ZNF169: variants seen among roughly 807,000 people sequenced by gnomAD.
ZNF169 encodes the protein zinc finger protein 169.
A neutral mutation model predicts 12.0 loss-of-function variants in ZNF169; 11 were observed. That is an observed-to-expected ratio of 0.92 (90% CI 0.58 to 1.52). ZNF169 has a LOEUF of 1.52. Ranked by LOEUF, ZNF169 falls within the 40% of genes most tolerant of loss-of-function variation. The probability of loss-of-function intolerance (pLI) is 0.00; values close to 1 mark genes in which losing one functional copy is unlikely to be tolerated. For missense variants in ZNF169, 722 were observed against 744.0 expected (o/e 0.97, Z 0.34); for synonymous variants, 302 against 286.5 (o/e 1.05, Z -0.55).
At chr9:94,270,524 T>G (rs1483603268) in intron 1 of ZNF169, among the ~76,000 whole-genome samples, 6 of 146,504 alleles carry the variant, frequency 4.1e-5, no homozygotes, top group African/African-American at 1.5e-4. Context: ...TGAGGAAGTT[T>G]CCTTCTATTG....
At chr9:94,277,296 G>A (rs961425575) in intron 1 of ZNF169, among the ~76,000 whole-genome samples, 1 of 152,170 alleles carries the variant, frequency 6.6e-6, no homozygotes, top group Non-Finnish European at 1.5e-5. Context: ...AGACTTCAGA[G>A]AGAGCAGGTT....
chr9:94,283,039 A>G (rs1005593221), intron 2 of ZNF169, among the ~76,000 whole-genome samples: 1 of 152,068 alleles, frequency 6.6e-6, no homozygotes, highest in African/African-American at 2.4e-5. Context: ...TTTTTGTCCT[A>G]TGGATTTACC....
At chr9:94,284,802 A>G (rs1160621094) in intron 2 of ZNF169, among the ~76,000 whole-genome samples, 1 of 152,224 alleles carries the variant, frequency 6.6e-6, no homozygotes, top group Non-Finnish European at 1.5e-5. Flanking sequence ...TATTGTTAAG[A>G]TGGCAGTACT....
Position 94,278,847 on chromosome 9 carries a change from TA to T in ZNF169, c.33+4del. 6.2e-7 allele frequency: 1 copy of T among 1,613,812 alleles called. No individual in the cohort carries two copies. The highest frequency in any genetic ancestry group is 1.3e-5 in the African/African-American group (1 of 75,010). ...GGACTCCTGACAACCAGGAAGGAGG[TA>T]AGTCCTGAAATTTCTTCCTAGCTAT... On this transcript the variant is annotated splice_donor_region_variant and intron_variant, in intron 2 of 4. Coordinates refer to ENST00000395395, the MANE Select transcript of ZNF169 (RefSeq NM_194320.4).
intron 2 of ZNF169, chr9:94,288,072 G>A (rs1830752859): frequency 2.5e-6 from 2 of 789,984 alleles, no homozygotes; most frequent in Non-Finnish European, 4.6e-6. Context: ...TCGGGACTTT[G>A]CATTCTCAAA....
intron 4 of ZNF169, chr9:94,299,373 A>T (rs895866210): frequency 1.5e-5 from 7 of 472,818 alleles, no homozygotes; most frequent in Non-Finnish European, 2.1e-5. Flanking sequence ...AGCCCAAAGC[A>T]TGGCTCCCCT....
intron 1 of ZNF169, among the ~76,000 whole-genome samples, chr9:94,278,230 A>C (rs1830559832): frequency 6.6e-6 from 1 of 152,220 alleles, no homozygotes; most frequent in Non-Finnish European, 1.5e-5. Context: ...TCCAAGTCAC[A>C]TTTCAAATTT....
intron 1 of ZNF169, among the ~76,000 whole-genome samples, chr9:94,261,506 G>T (rs1456786607): frequency 1.3e-5 from 2 of 152,202 alleles, no homozygotes. Context: ...TAGTTTTGAA[G>T]TTCCATGGAT....
At chr9:94,285,960 G>A (rs772111993) in intron 2 of ZNF169, among the ~76,000 whole-genome samples, 4 of 151,006 alleles carry the variant, frequency 2.6e-5, no homozygotes, top group African/African-American at 7.3e-5. Context: ...GCAGTGAGCC[G>A]AGATCACACC....
intron 2 of ZNF169, among the ~76,000 whole-genome samples, chr9:94,280,176 T>A (rs140446452): frequency 6.6e-6 from 1 of 152,348 alleles, no homozygotes; most frequent in East Asian, 1.9e-4. Context: ...AAATTAAAAA[T>A]GGTTTTGATC....
At chr9:94,266,796 C>CT (rs1285173502) in intron 1 of ZNF169, among the ~76,000 whole-genome samples, 2 of 152,050 alleles carry the variant, frequency 1.3e-5, no homozygotes. Context: ...TAATTTTTCT[C>CT]TTTCCAGTTT....
chr9:94,292,319 C>T (rs1283935537), intron 2 of ZNF169, 22 bp from the exon 3 acceptor site: 1 of 1,613,694 alleles, frequency 6.2e-7, no homozygotes, highest in Non-Finnish European at 8.5e-7. Flanking sequence ...GTTGAGTGAG[C>T]AGGGATGTGT....
chr9:94,276,393 G>A lies in ZNF169; in HGVS notation c.-55-2365G>A, dbSNP rs1303397117. Among the ~76,000 whole-genome samples the A allele has an allele frequency of 4.6e-5, 7 of 152,088 alleles. No individual in the cohort carries two copies. The East Asian group carries it at 7.7e-4, about 17-fold the overall frequency. ...TGATTCTCCTGCCTCAGCCTCCGGA[G>A]TAGCTGGGATTATGGGCGCCGCCAC... On this transcript the variant is annotated intron_variant, in intron 1 of 4. Coordinates refer to ENST00000395395, the MANE Select transcript of ZNF169 (RefSeq NM_194320.4).
At chr9:94,259,929 T>G (rs1025885159) in intron 1 of ZNF169, among the ~76,000 whole-genome samples, 1 of 152,212 alleles carries the variant, frequency 6.6e-6, no homozygotes, top group African/African-American at 2.4e-5. Flanking sequence ...AAACAGAGTC[T>G]CTCTCTGTCG....
intron 1 of ZNF169, among the ~76,000 whole-genome samples, chr9:94,270,838 T>C (rs1163507897): frequency 9.5e-5 from 1 of 10,514 alleles, no homozygotes; most frequent in Non-Finnish European, 3.5e-4. Context: ...AAAATATATA[T>C]ATTATATTAT....
Position 94,300,464 on chromosome 9 carries a change from A to G in ZNF169, c.906A>G (p.Thr302=). The change falls in exon 5 of 5, where the codon ACA becomes ACG. Residue 302 remains threonine, a synonymous_variant. Coordinates refer to ENST00000395395, the MANE Select transcript of ZNF169 (RefSeq NM_194320.4). ...CRECGRHFRY[T]SSLTNHKRIH... Reference sequence around the variant, plus strand: ...AATGTGGGCGACACTTCAGGTATACATCCTCTCTCACTAATCACAAGAGGA... The same window carrying G: ...AATGTGGGCGACACTTCAGGTATACGTCCTCTCTCACTAATCACAAGAGGA... The G allele has an allele frequency of 6.2e-7, 1 of 1,614,006 alleles. No homozygotes were observed. The highest frequency in any genetic ancestry group is 8.5e-7 in the Non-Finnish European group (1 of 1,180,000).
chr9:94,261,677 GGTCTC>G (rs1465467102), intron 1 of ZNF169, among the ~76,000 whole-genome samples: 6 of 152,154 alleles, frequency 3.9e-5, no homozygotes, highest in Non-Finnish European at 8.8e-5. Context: ...TTCAAATCCA[GGTCTC>G]TCCCTTTGTC....
chr9:94,300,664 C>G lies in ZNF169; in HGVS notation c.1106C>G (p.Thr369Arg), dbSNP rs1564094818. 1.2e-6 allele frequency: 2 copies of G among 1,614,028 alleles called. No individual in the cohort carries two copies. The highest frequency in any genetic ancestry group is 1.1e-5 in the South Asian group (1 of 91,068). The change falls in exon 5 of 5, where the codon ACA (threonine) becomes AGA (arginine). Residue 369 changes from threonine (T) to arginine (R), a missense_variant. Coordinates refer to ENST00000395395, the MANE Select transcript of ZNF169 (RefSeq NM_194320.4). Reference sequence around the variant, plus strand: ...CTCCTCCAGCACCAGAGCTCACACACAGGGGAGAGGCCCTTCCTGTGCCTT... The same window carrying G: ...CTCCTCCAGCACCAGAGCTCACACAGAGGGGAGAGGCCCTTCCTGTGCCTT... ...ASLLQHQSSH[T>R]GERPFLCLEC...
At chr9:94,263,578 G>C (rs188838565) in intron 1 of ZNF169, among the ~76,000 whole-genome samples, 2 of 149,494 alleles carry the variant, frequency 1.3e-5, no homozygotes, top group Admixed American at 1.3e-4. Context: ...TTTTAGAGAC[G>C]ATGTTTTGCT....
Sources: allele counts gnomAD v4.1 joint callset (sites outside exome capture counted in the v4.1 genomes callset), GRCh38; gene constraint gnomAD v4.1.1; transcripts MANE v1.5; gene names NCBI Gene and HGNC (gene_info 2026-07-23, HGNC 2026-07-21).